Variants in MAF observed in about 807,000 individuals in gnomAD.
MAF encodes MAF bZIP transcription factor.
Under a neutral mutation model 22.0 loss-of-function variants are expected in MAF, and 10 were observed. That is an observed-to-expected ratio of 0.45 (90% CI 0.28 to 0.77). The LOEUF is 0.77. Ranked by LOEUF, MAF falls within the 30% of genes least tolerant of loss-of-function variation. The pLI, the probability that MAF is intolerant of heterozygous loss-of-function variation, is 0.12. For missense variants in MAF, 544 were observed against 548.4 expected (o/e 0.99, Z 0.08); for synonymous variants, 337 against 255.8 (o/e 1.32, Z -3.03).
chr16:79,437,864 G>A, the MAF span, among the ~76,000 whole-genome samples: 2 of 151,860 alleles, frequency 1.3e-5, no homozygotes, highest in Admixed American at 1.3e-4. Context: ...ATGCTGAGAC[G>A]TGGGCCGCAT....
chr16:79,221,466 A>G, the MAF span, among the ~76,000 whole-genome samples: 1 of 152,218 alleles, frequency 6.6e-6, no homozygotes, highest in African/African-American at 2.4e-5. Context: ...GAAGACATGA[A>G]AAAAATGAAC....
chr16:79,224,996 G>A, the MAF span, among the ~76,000 whole-genome samples: 2 of 152,194 alleles, frequency 1.3e-5, no homozygotes, highest in South Asian at 4.1e-4. Context: ...TTTCTTCACA[G>A]AATTAGAAAA....
At chr16:79,598,463 A>AAC in intron 1 of MAF, 1 of 1,292,606 alleles carries the variant, frequency 7.7e-7, no homozygotes, top group Middle Eastern at 3.1e-4. Flanking sequence ...TGTAAAAAAA[A>AAC]AAAAAAAACA....
the MAF span, among the ~76,000 whole-genome samples, chr16:79,450,362 A>T: frequency 6.6e-6 from 1 of 152,218 alleles, no homozygotes; most frequent in East Asian, 1.9e-4. Flanking sequence ...ATGCACCTGC[A>T]TTGGAGAAAT....
At chr16:79,595,197 C>G (rs1913444366) in intron 1 of MAF, 3 of 1,037,000 alleles carry the variant, frequency 2.9e-6, no homozygotes, top group African/African-American at 1.7e-5. Flanking sequence ...GGGAGGTTTA[C>G]TATTAAGACT....
chr16:79,510,400 G>A, the MAF span, among the ~76,000 whole-genome samples: 1 of 152,142 alleles, frequency 6.6e-6, no homozygotes, highest in South Asian at 2.1e-4. Context: ...GGTCCTGGAG[G>A]TGTGGTATCT....
the MAF span, among the ~76,000 whole-genome samples, chr16:79,342,350 G>A: frequency 6.6e-6 from 1 of 152,198 alleles, no homozygotes; most frequent in East Asian, 1.9e-4. Flanking sequence ...TCTTCACAGT[G>A]TTGCATAAGT....
the MAF span, among the ~76,000 whole-genome samples, chr16:79,438,362 G>C: frequency 2.0e-5 from 3 of 152,200 alleles, no homozygotes; most frequent in East Asian, 1.9e-4. Context: ...GTGGCTCTTA[G>C]GCTTCGCCAC....
chr16:79,494,106 A>G, the MAF span, among the ~76,000 whole-genome samples: 1 of 152,176 alleles, frequency 6.6e-6, no homozygotes, highest in Non-Finnish European at 1.5e-5. Context: ...TGTTGAACAC[A>G]GTTGTATTGG....
At chr16:79,563,714 A>G in the MAF span, among the ~76,000 whole-genome samples, 3 of 152,094 alleles carry the variant, frequency 2.0e-5, no homozygotes, top group African/African-American at 7.2e-5. Flanking sequence ...ACAGCTATAG[A>G]TGTCTTAATA....
chr16:79,285,232 G>GA, the MAF span, among the ~76,000 whole-genome samples: 6 of 151,950 alleles, frequency 3.9e-5, no homozygotes, highest in East Asian at 1.9e-4. Context: ...CTGGACTTTG[G>GA]AAAAAATATC....
At chr16:79,547,916 G>C in the MAF span, among the ~76,000 whole-genome samples, 3 of 120,232 alleles carry the variant, frequency 2.5e-5, no homozygotes, top group East Asian at 2.4e-4. Context: ...GAGAGAGAGA[G>C]AGATAGAGAG....
the MAF span, among the ~76,000 whole-genome samples, chr16:79,442,824 A>C: frequency 6.6e-6 from 1 of 152,228 alleles, no homozygotes; most frequent in Non-Finnish European, 1.5e-5. Flanking sequence ...AAACAGCTTC[A>C]TTCTCCAAAG....
chr16:79,549,661 A>G, the MAF span, among the ~76,000 whole-genome samples: 1 of 152,130 alleles, frequency 6.6e-6, no homozygotes, highest in Admixed American at 6.5e-5. Context: ...CGTTGGTTCC[A>G]TTTTGTCTGT....
the MAF span, among the ~76,000 whole-genome samples, chr16:79,559,909 T>C: frequency 6.6e-6 from 1 of 152,194 alleles, no homozygotes; most frequent in African/African-American, 2.4e-5. Flanking sequence ...CCTATATCTA[T>C]GTCACCTTTT....
chr16:79,408,614 T>TCCTC, the MAF span, among the ~76,000 whole-genome samples: 1 of 151,012 alleles, frequency 6.6e-6, no homozygotes, highest in African/African-American at 2.4e-5. Context: ...TTGCCTTCCT[T>TCCTC]CCTTTCTTCC....
the MAF span, among the ~76,000 whole-genome samples, chr16:79,565,674 T>C: frequency 1.3e-5 from 2 of 152,204 alleles, no homozygotes; most frequent in African/African-American, 4.8e-5. Context: ...TCTGCCATAA[T>C]TGTAAGTTTC....
the MAF span, among the ~76,000 whole-genome samples, chr16:79,357,668 G>A: frequency 6.6e-6 from 1 of 152,106 alleles, no homozygotes; most frequent in African/African-American, 2.4e-5. Flanking sequence ...CCTCACCATC[G>A]GTTCCCTAGC....
chr16:79,484,943 C>A, the MAF span, among the ~76,000 whole-genome samples: 1 of 152,194 alleles, frequency 6.6e-6, no homozygotes, highest in African/African-American at 2.4e-5. Flanking sequence ...GGCTTTGCAC[C>A]TTGGACCTGC....
Sources: gnomAD v4.1 joint callset for allele counts (sites outside exome capture counted in the v4.1 genomes callset) on GRCh38, gnomAD v4.1.1 for gene constraint, MANE v1.5 for transcripts, NCBI Gene and HGNC (gene_info 2026-07-23, HGNC 2026-07-21) for gene names.